The following LRP5 variants were observed in gnomAD, a reference collection of about 807,000 sequenced individuals.
The protein encoded by LRP5 is LDL receptor related protein 5, also known as low-density lipoprotein receptor-related protein 5.
A neutral mutation model predicts 154.1 loss-of-function variants in LRP5; 62 were observed. That is an observed-to-expected ratio of 0.40 (90% CI 0.33 to 0.50). LRP5 has a LOEUF of 0.50. Among genes scored for constraint, LRP5 ranks in the 20% least tolerant of loss-of-function variants. The pLI is 0.55. For synonymous variants in LRP5, 966 were observed against 1,011.5 expected (o/e 0.96, Z 0.85); for missense variants, 1,915 against 2,336.7 (o/e 0.82, Z 3.72).
chr11:68,310,192 G>A (rs1304557450), upstream of LRP5, among the ~76,000 whole-genome samples: 1 of 152,174 alleles, frequency 6.6e-6, no homozygotes, highest in Non-Finnish European at 1.5e-5. Context: ...GGGGGGTGTG[G>A]TTTGCAATTT....
In LRP5 at chr11:68,338,658, T is replaced by G. The variant is rs568467796; in HGVS notation, c.92-9189T>G. ...ACAGCAGAGTGCGGGGTGTACTGAGTTTGTGCTGAGCAGGGGTGCCTGAAT... is the reference window on the plus strand; with the variant it reads ...ACAGCAGAGTGCGGGGTGTACTGAGGTTGTGCTGAGCAGGGGTGCCTGAAT... On this transcript the variant is annotated intron_variant, in intron 1 of 22. Coordinates refer to ENST00000294304, the MANE Select transcript of LRP5 (RefSeq NM_002335.4). Among the ~76,000 whole-genome samples, 52 of 152,110 alleles carry G rather than the reference T, an allele frequency of 3.4e-4. No individual in the cohort carries two copies. The Middle Eastern group carries it at 0.017, about 50-fold the overall frequency.
intron 9 of LRP5, 55 bp downstream of exon 9, chr11:68,406,868 T>A: frequency 6.4e-7 from 1 of 1,571,674 alleles, no homozygotes. Context: ...ACCTTGCCTC[T>A]GTTCCTGCCT....
chr11:68,397,990 G>GTGTGTGTGTGTGTGTGTGTT (rs2098650456), intron 7 of LRP5, among the ~76,000 whole-genome samples: 1 of 151,846 alleles, frequency 6.6e-6, no homozygotes, highest in African/African-American at 2.4e-5. Context: ...GTGTGTGTGT[G>GTGTGTGTGTGTGTGTGTGTT]TGTGTGTGTG....
At chr11:68,437,470 G>A (rs1245630700) in intron 19 of LRP5, among the ~76,000 whole-genome samples, 1 of 152,252 alleles carries the variant, frequency 6.6e-6, no homozygotes, top group Non-Finnish European at 1.5e-5. Flanking sequence ...ATAGGGCCTA[G>A]GGGATAGGAG....
chr11:68,310,708 T>C (rs534679443), upstream of LRP5, among the ~76,000 whole-genome samples: 3 of 138,486 alleles, frequency 2.2e-5, no homozygotes, highest in Non-Finnish European at 4.5e-5. Flanking sequence ...TGAGCTACGA[T>C]CACACCACTA....
At chr11:68,327,111 C>T (rs2098600155) in intron 1 of LRP5, among the ~76,000 whole-genome samples, 2 of 152,216 alleles carry the variant, frequency 1.3e-5, no homozygotes, top group Admixed American at 6.5e-5. Flanking sequence ...TGGGGGCCTG[C>T]GGTGGGATCC....
Position 68,413,765 on chromosome 11 carries a change from G to C in LRP5, c.2580G>C (p.Trp860Cys). The C allele has an allele frequency of 1.2e-6, 2 of 1,613,592 alleles. No individual in the cohort carries two copies. ...CGCAGTACAGCGATTATATCTACTGGACAGACTGGAATCTGCACAGCATTG... is the reference window on the plus strand; with the variant it reads ...CGCAGTACAGCGATTATATCTACTGCACAGACTGGAATCTGCACAGCATTG... ...GLTQYSDYIY[W>C]TDWNLHSIER... The change falls in exon 12 of 23, where the codon TGG becomes TGC. Residue 860 changes from tryptophan to cysteine, a missense_variant. Physicochemically the swap from Trp to Cys is radical, Grantham distance 215. Coordinates refer to ENST00000294304, the MANE Select transcript of LRP5 (RefSeq NM_002335.4). The surrounding 1 kb of genome is among the most constrained non-coding windows in gnomAD (Gnocchi z 5.1).
chr11:68,345,318 C>T (rs1429393079), intron 1 of LRP5, among the ~76,000 whole-genome samples: 3 of 152,118 alleles, frequency 2.0e-5, no homozygotes, highest in South Asian at 4.1e-4. Context: ...GACAGAGTCT[C>T]GCTGTGTCAC....
At chr11:68,409,101 C>T (rs200805399) in intron 9 of LRP5, among the ~76,000 whole-genome samples, 51,630 of 77,264 alleles carry the variant, frequency 0.67, 18,373 homozygotes, top group South Asian at 0.8. Flanking sequence ...TATATACACA[C>T]ACATACACGC....
rs750390421 is a variant in LRP5, at chr11:68,413,785, G to A, written c.2600G>A (p.Ser867Asn). 2 of 1,613,598 alleles carry A rather than the reference G, an allele frequency of 1.2e-6. No individual in the cohort carries two copies. Among genetic ancestry groups the A allele is most frequent in the Non-Finnish European group, 8.5e-7 (1 of 1,179,770 alleles). Reference protein sequence around the residue: ...YIYWTDWNLHSIERADKTSGR... With the variant: ...YIYWTDWNLHNIERADKTSGR... ...TACTGGACAGACTGGAATCTGCACA[G>A]CATTGAGCGGGCCGACAAGACTAGC... The change falls in exon 12 of 23, where the codon AGC (serine) becomes AAC (asparagine). Residue 867 changes from serine to asparagine, a missense_variant. Ser to Asn is a conservative substitution (Grantham distance 46). Transcript: ENST00000294304. The surrounding 1 kb of genome is among the most constrained non-coding windows in gnomAD (Gnocchi z 5.1).
At chr11:68,419,988 C>T (rs934044993) in intron 13 of LRP5, among the ~76,000 whole-genome samples, 2 of 152,116 alleles carry the variant, frequency 1.3e-5, no homozygotes, top group African/African-American at 2.4e-5. Flanking sequence ...AGACAGATTT[C>T]ACCATGTTGC....
intron 13 of LRP5, among the ~76,000 whole-genome samples, chr11:68,421,891 G>A (rs949583192): frequency 6.6e-6 from 1 of 151,846 alleles, no homozygotes; most frequent in African/African-American, 2.4e-5. Context: ...GACTGGGCCT[G>A]GGGAAGACGC....
chr11:68,321,971 C>G (rs962970733), intron 1 of LRP5, among the ~76,000 whole-genome samples: 1 of 152,236 alleles, frequency 6.6e-6, no homozygotes, highest in African/African-American at 2.4e-5. Context: ...CAGGAAGGAG[C>G]AGACTGTCTC....
the LRP5 span, among the ~76,000 whole-genome samples, chr11:68,305,521 CA>C: frequency 1.3e-5 from 2 of 152,176 alleles, no homozygotes; most frequent in East Asian, 3.9e-4. Context: ...TGGCTCACTA[CA>C]ACCTCCTCCT....
intron 2 of LRP5, 84 bp from the exon 3 acceptor site, chr11:68,357,566 T>C: frequency 1.6e-6 from 2 of 1,275,364 alleles, no homozygotes; most frequent in Non-Finnish European, 1.1e-6. Context: ...GTTCACTGTC[T>C]GTTGTTTCAT....
chr11:68,404,656 A>T (rs1229875722), intron 8 of LRP5, among the ~76,000 whole-genome samples: 1 of 152,102 alleles, frequency 6.6e-6, no homozygotes, highest in African/African-American at 2.4e-5. Flanking sequence ...TAGTTTTCCC[A>T]GCCTCCTTTA....
At chr11:68,400,741 TA>T (rs2098652206) in intron 7 of LRP5, among the ~76,000 whole-genome samples, 1 of 151,428 alleles carries the variant, frequency 6.6e-6, no homozygotes, top group Non-Finnish European at 1.5e-5. Flanking sequence ...AAAAAATAAA[TA>T]AATAAAAAAT....
At chr11:68,309,231 C>A (rs984760228), upstream of LRP5, among the ~76,000 whole-genome samples, 1 of 139,950 alleles carries the variant, frequency 7.1e-6, no homozygotes, top group East Asian at 2.1e-4. Context: ...CCTCATCTGG[C>A]CTTTTTTTTC....
Position 68,413,988 on chromosome 11 carries a change from G to T in LRP5, c.2803G>T (p.Asp935Tyr), listed in dbSNP as rs747654722. 6.2e-7 allele frequency: 1 copy of T among 1,604,628 alleles called. No homozygotes were observed. The highest frequency in any genetic ancestry group is 1.1e-5 in the South Asian group (1 of 91,078). ...CGGCTGCGCCTCACACTACACCCTG[G>T]ACCCCAGCAGCCGCAACTGCAGCCG... Reference protein sequence around the residue: ...RCGCASHYTLDPSSRNCSPPT... With the variant: ...RCGCASHYTLYPSSRNCSPPT... The change falls in exon 12 of 23, where the codon GAC (aspartate) becomes TAC (tyrosine). Residue 935 changes from aspartate (D) to tyrosine (Y), a missense_variant. Physicochemically the swap from Asp to Tyr is radical, Grantham distance 160. This residue lies in a region of LRP5 where 1,094 missense variants were observed against 1,210.1 expected (regional missense o/e 0.90). Coordinates refer to ENST00000294304, the MANE Select transcript of LRP5 (RefSeq NM_002335.4). The surrounding 1 kb of genome is among the most constrained non-coding windows in gnomAD (Gnocchi z 5.1).
Sources: gnomAD v4.1 joint callset for allele counts (sites outside exome capture counted in the v4.1 genomes callset) on GRCh38, gnomAD v4.1.1 for gene constraint, gnomAD v4.1.1 regional missense constraint, Gnocchi (gnomAD v3.1) non-coding constraint, MANE v1.5 for transcripts, NCBI Gene and HGNC (gene_info 2026-07-23, HGNC 2026-07-21) for gene names.